LYRM4: variants seen among roughly 807,000 people sequenced by gnomAD.
LYRM4 encodes the protein LYR motif containing 4.
LYRM4 carries 9 observed loss-of-function variants against 11.7 expected under a neutral mutation model. The observed-to-expected ratio is 0.77, with a 90% CI of 0.46 to 1.34. The LOEUF (loss-of-function observed/expected upper bound fraction) is 1.34. LYRM4 is among the 40% of genes most tolerant of loss of function. LYRM4 has a pLI of 0.00. For missense variants in LYRM4, 133 were observed against 112.5 expected (o/e 1.18, Z -0.82); for synonymous variants, 42 against 40.4 (o/e 1.04, Z -0.15).
chr6:5,221,987 G>T (rs1478348680), intron 1 of LYRM4, among the ~76,000 whole-genome samples: 1 of 152,222 alleles, frequency 6.6e-6, no homozygotes, highest in Non-Finnish European at 1.5e-5. Context: ...GTGTGTGTAT[G>T]TGTGTAGTGT....
At chr6:5,234,916 C>T (rs1240921088) in intron 1 of LYRM4, among the ~76,000 whole-genome samples, 2 of 152,044 alleles carry the variant, frequency 1.3e-5, no homozygotes, top group Non-Finnish European at 1.5e-5. Flanking sequence ...ACTCCTGTCC[C>T]CCTACTCCCA....
intron 2 of LYRM4, among the ~76,000 whole-genome samples, chr6:5,178,735 G>A (rs1047659218): frequency 1.3e-5 from 2 of 148,302 alleles, no homozygotes; most frequent in African/African-American, 5.0e-5. Flanking sequence ...AACCCGGGAG[G>A]CGGAGGTGGC....
At position 5,259,938 on chromosome 6, in the gene LYRM4, A is replaced by T. The variant is rs142155248; in HGVS notation, c.86+710T>A. On this transcript the variant is annotated intron_variant, in intron 1 of 2. Transcript: ENST00000330636. Reference sequence around the variant, plus strand: ...AACATACAAAGAGTAACAATAAAAGACTCATAGGCAAATAGGGGAGTGGGG... The same window carrying T: ...AACATACAAAGAGTAACAATAAAAGTCTCATAGGCAAATAGGGGAGTGGGG... Among the ~76,000 whole-genome samples the T allele has an allele frequency of 2.3e-3, 344 of 152,272 alleles. 1 individual carries two copies. The highest frequency in any genetic ancestry group is 3.6e-3 in the Non-Finnish European group (247 of 68,012).
intron 1 of LYRM4, among the ~76,000 whole-genome samples, chr6:5,219,438 A>G (rs1471531703): frequency 6.6e-6 from 1 of 152,214 alleles, no homozygotes; most frequent in Non-Finnish European, 1.5e-5. Context: ...GAATGCTGTA[A>G]TGGTTCCCTC....
chr6:5,044,680 CT>C, the LYRM4 span, among the ~76,000 whole-genome samples: 1 of 152,190 alleles, frequency 6.6e-6, no homozygotes, highest in Non-Finnish European at 1.5e-5. Flanking sequence ...GGAATCCAAG[CT>C]TAATTAGCCA....
chr6:5,089,381 A>G, the LYRM4 span: 1 of 152,242 alleles, frequency 6.6e-6, no homozygotes, highest in Admixed American at 6.5e-5. Context: ...TACATATGCT[A>G]TAACATTGTT....
the LYRM4 span, chr6:5,034,403 T>TC: frequency 3.3e-5 from 5 of 152,262 alleles, no homozygotes. Context: ...TGAAATGTGA[T>TC]CCCCAGTGTG....
At chr6:5,237,037 T>C (rs188265566) in intron 1 of LYRM4, among the ~76,000 whole-genome samples, 9 of 152,304 alleles carry the variant, frequency 5.9e-5, no homozygotes, top group African/African-American at 1.4e-4. Flanking sequence ...TTTGACTCTG[T>C]CCGTGGGAAA....
At chr6:5,102,031 A>AGTCCTCTT (rs1762521999), downstream of LYRM4, among the ~76,000 whole-genome samples, 1 of 131,798 alleles carries the variant, frequency 7.6e-6, no homozygotes, top group Non-Finnish European at 1.6e-5. Flanking sequence ...GGCCTCAAGC[A>AGTCCTCTT]GTCCTCTTGC....
the LYRM4 span, among the ~76,000 whole-genome samples, chr6:5,035,422 A>T: frequency 6.6e-6 from 1 of 151,240 alleles, no homozygotes; most frequent in African/African-American, 2.4e-5. Flanking sequence ...CTTCAGTGCC[A>T]GGTGACATGC....
chr6:5,091,435 C>T, the LYRM4 span, among the ~76,000 whole-genome samples: 8 of 152,188 alleles, frequency 5.3e-5, no homozygotes, highest in East Asian at 3.8e-4. Context: ...CAGAACGCAG[C>T]GGTCACTGAT....
At chr6:5,184,917 C>A (rs925440209) in intron 2 of LYRM4, among the ~76,000 whole-genome samples, 1 of 151,918 alleles carries the variant, frequency 6.6e-6, no homozygotes, top group African/African-American at 2.4e-5. Context: ...AGGGCCCCTT[C>A]CCCTGCGCAA....
At chr6:5,213,331 G>C (rs1762083606) in intron 2 of LYRM4, among the ~76,000 whole-genome samples, 2 of 152,210 alleles carry the variant, frequency 1.3e-5, no homozygotes, top group South Asian at 4.1e-4. Context: ...ACGCGGGGGT[G>C]GAGGGGTATC....
intron 2 of LYRM4, among the ~76,000 whole-genome samples, chr6:5,204,980 T>C (rs968619914): frequency 6.6e-6 from 1 of 152,178 alleles, no homozygotes; most frequent in Non-Finnish European, 1.5e-5. Flanking sequence ...TCAGCGGAAC[T>C]CCCTACGTTT....
At chr6:5,071,759 T>C in the LYRM4 span, among the ~76,000 whole-genome samples, 1 of 152,086 alleles carries the variant, frequency 6.6e-6, no homozygotes, top group African/African-American at 2.4e-5. Context: ...TGCCTCAGCC[T>C]CCCCAGTAGA....
the LYRM4 span, among the ~76,000 whole-genome samples, chr6:5,060,973 A>G: frequency 1.3e-5 from 2 of 152,132 alleles, no homozygotes; most frequent in African/African-American, 4.8e-5. Context: ...TTTATCCTAT[A>G]CTGTTCTGTG....
the LYRM4 span, among the ~76,000 whole-genome samples, chr6:5,044,831 T>C: frequency 6.6e-6 from 1 of 152,206 alleles, no homozygotes; most frequent in South Asian, 2.1e-4. Flanking sequence ...TTTTCTTTTG[T>C]TGTTACACAG....
At chr6:5,129,941 C>G (rs2127611662) in intron 2 of LYRM4, among the ~76,000 whole-genome samples, 1 of 152,330 alleles carries the variant, frequency 6.6e-6, no homozygotes. Flanking sequence ...GGGAAGGCAG[C>G]TGTGCTGCAG....
chr6:5,213,842 A>T (rs1762110004), intron 2 of LYRM4, among the ~76,000 whole-genome samples: 1 of 152,236 alleles, frequency 6.6e-6, no homozygotes, highest in Admixed American at 6.5e-5. Flanking sequence ...TAATAACAGC[A>T]AGCATTTGCA....
Sources: gnomAD v4.1 joint callset for allele counts (sites outside exome capture counted in the v4.1 genomes callset) on GRCh38, gnomAD v4.1.1 for gene constraint, MANE v1.5 for transcripts, NCBI Gene and HGNC (gene_info 2026-07-23, HGNC 2026-07-21) for gene names.